The following CISD2 variants were observed in gnomAD, a reference collection of about 807,000 sequenced individuals.
CISD2 encodes CDGSH iron sulfur domain 2.
A neutral mutation model predicts 12.9 loss-of-function variants in CISD2; 1 was observed. The ratio of observed to expected loss-of-function variants is 0.08; its 90% CI spans 0.03 to 0.37. The LOEUF is 0.37. Ranked by LOEUF, CISD2 falls within the 10% of genes least tolerant of loss-of-function variation. The probability of loss-of-function intolerance (pLI) is 0.99; values close to 1 mark genes in which losing one functional copy is unlikely to be tolerated. For missense variants in CISD2, 97 were observed against 163.1 expected, an observed-to-expected ratio of 0.59 and a Z score of 2.21; for synonymous variants, 50 against 60.6, an observed-to-expected ratio of 0.83 and a Z score of 0.81.
chr4:102,878,659 A>C (rs959004195), intron 1 of CISD2, among the ~76,000 whole-genome samples: 1 of 152,176 alleles, frequency 6.6e-6, no homozygotes, highest in African/African-American at 2.4e-5. Context: ...GTCAGCCTGG[A>C]TGTTATTGTC....
chr4:102,880,664 T>G (rs1033191160), intron 1 of CISD2, among the ~76,000 whole-genome samples: 3 of 150,648 alleles, frequency 2.0e-5, no homozygotes, highest in East Asian at 2.0e-4. Context: ...GGTGACAGAG[T>G]GAGACTATCT....
In CISD2 at chr4:102,885,388, T is replaced by G; in HGVS notation, c.276T>G (p.Cys92Trp). 6.2e-7 allele frequency: 1 copy of G among 1,614,112 alleles called. No homozygotes were observed. The highest frequency in any genetic ancestry group is 8.5e-7 in the Non-Finnish European group (1 of 1,179,964). ...ATGAAATAAACATTGAAGATTTGTG[T>G]CTTACTAAAGCAGCTTATTGTAGGT... ...VVNEINIEDL[C>W]LTKAAYCRCW... is the part of the protein sequence containing the mutation. The change falls in exon 2 of 3, where the codon TGT becomes TGG. Residue 92 changes from cysteine to tryptophan, a missense_variant. By Grantham distance (215) the Cys-to-Trp change is radical. Around this residue, in one of 2 missense-constraint regions of CISD2, gnomAD observed 89 missense variants for 114.4 expected, o/e 0.78. Transcript: ENST00000273986.
intron 1 of CISD2, among the ~76,000 whole-genome samples, chr4:102,871,354 A>C (rs972456383): frequency 6.6e-5 from 10 of 152,206 alleles, no homozygotes; most frequent in Non-Finnish European, 1.0e-4. Context: ...ACTTCCTCTT[A>C]AAAGTTGTTA....
rs532358002 is a variant in CISD2, at chr4:102,890,456, C to CTT, written c.*3027_*3028dup. ...AAGAAGCCTAAGTAATTGTATAATA[C>CTT]TTAACCCATTTAGAATTCAGTTGTG... On this transcript the variant is annotated 3_prime_UTR_variant, in exon 3 of 3. Transcript: ENST00000273986. The CTT allele has an allele frequency of 7.3e-5, 11 of 151,576 alleles. No homozygotes were observed. Among genetic ancestry groups the CTT allele is most frequent in the Non-Finnish European group, 1.6e-4 (11 of 68,036 alleles). 9.4% of individuals were successfully genotyped at this position (151,576 alleles called of 1,614,324 possible).
intron 1 of CISD2, chr4:102,869,585 C>T: frequency 1.4e-6 from 1 of 696,648 alleles, no homozygotes; most frequent in Non-Finnish European, 2.6e-6. Flanking sequence ...GCAGCCCCAG[C>T]TACCGGCTGG....
At chr4:102,869,639 AT>A (rs1441589139) in intron 1 of CISD2, 1 of 633,638 alleles carries the variant, frequency 1.6e-6, no homozygotes, top group Non-Finnish European at 2.8e-6. Flanking sequence ...GGAGAGAAAT[AT>A]AGACTTACAC....
intron 1 of CISD2, among the ~76,000 whole-genome samples, chr4:102,881,791 A>G (rs1733726661): frequency 6.6e-6 from 1 of 152,244 alleles, no homozygotes; most frequent in Middle Eastern, 3.2e-3. Context: ...CAAGGAATTA[A>G]GTGTTCAAAA....
In CISD2 at chr4:102,874,253, A is replaced by T. The variant is rs545384928; in HGVS notation, c.103+5066A>T. Among the ~76,000 whole-genome samples the T allele has an allele frequency of 5.3e-5, 8 of 152,296 alleles. No individual in the cohort carries two copies. In the East Asian group the frequency reaches 1.2e-3, roughly 22 times the overall value. On this transcript the variant is annotated intron_variant, in intron 1 of 2. Coordinates refer to ENST00000273986, the MANE Select transcript of CISD2 (RefSeq NM_001008388.5). The stretch of plus-strand genomic sequence containing the variant: ...AGAAACAGAAAACCAAATAACACAT[A>T]TTCTTACAACTGGGAGCTAAACATT...
intron 1 of CISD2, chr4:102,869,492 C>G (rs1383713367): frequency 1.4e-6 from 1 of 702,514 alleles, no homozygotes; most frequent in African/African-American, 1.7e-5. Context: ...CTTTCATCTC[C>G]TGTCCTGCTC....
intron 1 of CISD2, among the ~76,000 whole-genome samples, chr4:102,881,761 T>A: frequency 6.6e-6 from 1 of 152,372 alleles, no homozygotes. Context: ...ATCACTGTAT[T>A]TTTAAGCATA....
intron 1 of CISD2, among the ~76,000 whole-genome samples, chr4:102,873,941 C>T (rs537772940): frequency 2.0e-5 from 3 of 152,002 alleles, no homozygotes; most frequent in Non-Finnish European, 4.4e-5. Context: ...GCCTGGCCAA[C>T]ATGGTGAAAC....
intron 1 of CISD2, among the ~76,000 whole-genome samples, chr4:102,873,943 T>C (rs1733529060): frequency 6.6e-6 from 1 of 151,788 alleles, no homozygotes; most frequent in Non-Finnish European, 1.5e-5. Flanking sequence ...CTGGCCAACA[T>C]GGTGAAACCC....
intron 1 of CISD2, among the ~76,000 whole-genome samples, chr4:102,875,880 C>T (rs1456386640): frequency 2.0e-5 from 3 of 152,278 alleles, no homozygotes; most frequent in East Asian, 1.9e-4. Context: ...TTTCTTTGTG[C>T]CTTGAAAATT....
rs147987769 is a variant in CISD2 at position 102,869,482 on chromosome 4, C to G, written c.103+295C>G. 8.2e-4 allele frequency: 575 copies of G among 702,668 alleles called. 3 individuals carry two copies. The East Asian group carries it at 0.013, about 15-fold the overall frequency. 43.5% of individuals were successfully genotyped at this position (702,668 alleles called of 1,614,324 possible). A position where few individuals can be genotyped will look rare whatever the true frequency, so the allele number is the denominator to read the frequency against. Reference sequence around the variant, plus strand: ...TGCTGAGTTGGGAACAGGCCAGTCTCTTTCATCTCCTGTCCTGCTCATCGC... The same window carrying G: ...TGCTGAGTTGGGAACAGGCCAGTCTGTTTCATCTCCTGTCCTGCTCATCGC... On this transcript the variant is annotated intron_variant, in intron 1 of 2. Coordinates refer to ENST00000273986, the MANE Select transcript of CISD2 (RefSeq NM_001008388.5).
chr4:102,880,242 C>T (rs1733684001), intron 1 of CISD2, among the ~76,000 whole-genome samples: 3 of 152,158 alleles, frequency 2.0e-5, no homozygotes, highest in Admixed American at 6.5e-5. Context: ...CCACGCCCAG[C>T]CCCCTTGTAT....
chr4:102,869,177 T>G lies in CISD2; in HGVS notation c.93T>G (p.Ala31=). ...LPVPESITGF[A]RLTVSEWLRL... The stretch of plus-strand genomic sequence containing the variant: ...TCCCTGAAAGCATTACCGGGTTCGC[T>G]AGGCTCACAGGTAATCCTCCCCCAT... Residue 31 remains alanine (A), a synonymous_variant, in exon 1 of 3, where the codon GCT becomes GCG. Transcript: ENST00000273986. The G allele has an allele frequency of 1.9e-6, 3 of 1,608,298 alleles. No individual in the cohort carries two copies. Among genetic ancestry groups the G allele is most frequent in the Non-Finnish European group, 2.5e-6 (3 of 1,177,630 alleles).
At chr4:102,878,344 C>T (rs778070783) in intron 1 of CISD2, among the ~76,000 whole-genome samples, 10 of 152,044 alleles carry the variant, frequency 6.6e-5, no homozygotes, top group South Asian at 2.1e-4. Context: ...TTGGCCAGGA[C>T]GGTCTCGATG....
chr4:102,870,907 A>G (rs1314285952), intron 1 of CISD2, among the ~76,000 whole-genome samples: 2 of 152,216 alleles, frequency 1.3e-5, no homozygotes, highest in Non-Finnish European at 2.9e-5. Flanking sequence ...TCATTATGTA[A>G]TAGTTCATTG....
rs1560909298 is a variant in CISD2, at chr4:102,889,721, G to A, written c.*2291G>A. ...CCTGTGCACATTTTTCAGAAGCGTAGGGTTGGTAGTAAGCTGTTGCTTTAA... is the reference window on the plus strand; with the variant it reads ...CCTGTGCACATTTTTCAGAAGCGTAAGGTTGGTAGTAAGCTGTTGCTTTAA... On this transcript the variant is annotated 3_prime_UTR_variant, in exon 3 of 3. Coordinates refer to ENST00000273986, the MANE Select transcript of CISD2 (RefSeq NM_001008388.5). The A allele has an allele frequency of 6.6e-6, 1 of 152,158 alleles. No individual in the cohort carries two copies. Among genetic ancestry groups the A allele is most frequent in the African/African-American group, 2.4e-5 (1 of 41,446 alleles). The allele number at this position is 152,158 out of a possible 1,614,324, so 9.4% of individuals were successfully genotyped here. A position where few individuals can be genotyped will look rare whatever the true frequency, so the allele number is the denominator to read the frequency against.
Sources: gnomAD v4.1 joint callset for allele counts (sites outside exome capture counted in the v4.1 genomes callset) on GRCh38, gnomAD v4.1.1 for gene constraint, gnomAD v4.1.1 regional missense constraint, MANE v1.5 for transcripts, NCBI Gene and HGNC (gene_info 2026-07-23, HGNC 2026-07-21) for gene names.